The following MARCHF1 variants were observed in gnomAD, a reference collection of about 807,000 sequenced individuals.
MARCHF1 encodes E3 ubiquitin-protein ligase MARCHF1.
MARCHF1 carries 40 observed loss-of-function variants against 54.2 expected under a neutral mutation model. The ratio of observed to expected loss-of-function variants is 0.74; its 90% CI spans 0.57 to 0.96. The LOEUF is 0.96. Ranked by LOEUF, MARCHF1 falls within the 40% of genes least tolerant of loss-of-function variation. MARCHF1 has a pLI of 0.00. For synonymous variants in MARCHF1, 236 were observed against 236.3 expected (o/e 1.00, Z 0.01); for missense variants, 586 against 656.5 (o/e 0.89, Z 1.17).
At chr4:163,644,933 C>T (rs145506865) in intron 5 of MARCHF1, among the ~76,000 whole-genome samples, 208 of 152,260 alleles carry the variant, frequency 1.4e-3, no homozygotes, top group Middle Eastern at 6.8e-3. Flanking sequence ...AAGAGACATA[C>T]CCCAGAGATA....
intron 4 of MARCHF1, among the ~76,000 whole-genome samples, chr4:163,707,477 A>C (rs1744982678): frequency 1.3e-5 from 2 of 152,110 alleles, no homozygotes; most frequent in South Asian, 4.1e-4. Flanking sequence ...CAAAATCACG[A>C]GCAGTCAGAA....
chr4:163,914,979 T>C (rs1751276402), intron 3 of MARCHF1, among the ~76,000 whole-genome samples: 1 of 152,100 alleles, frequency 6.6e-6, no homozygotes, highest in Non-Finnish European at 1.5e-5. Context: ...AAAATAAGGC[T>C]GGAGAAATAG....
rs764029015 is a variant in MARCHF1, at chr4:163,700,851, G to C, written c.124C>G (p.Pro42Ala). ...CTTGATCGACTTGCAGATCGCCCTG[G>C]GGATTTTTCATTCTGAAAAATAAAA... is the stretch of plus-strand genomic sequence containing the variant. ...SQTSTLNEKSPGRSASRSSNI... is the reference protein window; with the variant it reads ...SQTSTLNEKSAGRSASRSSNI... Residue 42 changes from proline to alanine, a missense_variant, in exon 5 of 10, where the codon CCA becomes GCA. By Grantham distance (27) the Pro-to-Ala change is conservative. Around this residue, in one of 3 missense-constraint regions of MARCHF1, gnomAD observed 387 missense variants for 394.6 expected, o/e 0.98. Transcript: ENST00000514618. 1 of 1,535,834 alleles carries C rather than the reference G, an allele frequency of 6.5e-7. No homozygotes were observed. Among genetic ancestry groups the C allele is most frequent in the South Asian group, 1.2e-5 (1 of 84,020 alleles).
At chr4:164,176,554 A>T (rs1016673401) in intron 1 of MARCHF1, among the ~76,000 whole-genome samples, 2 of 152,150 alleles carry the variant, frequency 1.3e-5, no homozygotes, top group Non-Finnish European at 2.9e-5. Flanking sequence ...AGTGACAAAA[A>T]CGATACAGGA....
chr4:163,733,197 A>ATATATATATATACACGTG (rs1745906398), intron 4 of MARCHF1, among the ~76,000 whole-genome samples: 10 of 32,312 alleles, frequency 3.1e-4, no homozygotes, highest in East Asian at 1.2e-3. Context: ...ATATATATAT[A>ATATATATATATACACGTG]TATATATATA....
At chr4:163,707,383 T>C (rs927566368) in intron 4 of MARCHF1, among the ~76,000 whole-genome samples, 2 of 151,858 alleles carry the variant, frequency 1.3e-5, no homozygotes, top group Non-Finnish European at 2.9e-5. Flanking sequence ...AGGAATCAAA[T>C]AGAAAACAAA....
At chr4:164,365,241 G>A (rs1257471208) in intron 1 of MARCHF1, among the ~76,000 whole-genome samples, 14 of 151,944 alleles carry the variant, frequency 9.2e-5, no homozygotes, top group Admixed American at 9.2e-4. Flanking sequence ...CACATAAAAA[G>A]TGAATTCGAG....
At chr4:164,116,586 G>T (rs1755943913) in intron 1 of MARCHF1, among the ~76,000 whole-genome samples, 1 of 151,208 alleles carries the variant, frequency 6.6e-6, no homozygotes, top group Non-Finnish European at 1.5e-5. Context: ...CTAGCCACGT[G>T]TAAATTTAAA....
At chr4:164,214,056 T>C (rs184946163) in intron 1 of MARCHF1, among the ~76,000 whole-genome samples, 5 of 152,222 alleles carry the variant, frequency 3.3e-5, no homozygotes, top group Admixed American at 6.5e-5. Context: ...TGGGTAAATA[T>C]ATACACCTAC....
At chr4:164,330,191 AAAAAC>A (rs1319544721) in intron 1 of MARCHF1, 1 of 150,772 alleles carries the variant, frequency 6.6e-6, no homozygotes, top group Non-Finnish European at 1.5e-5. Flanking sequence ...AAAAAAAAAC[AAAAAC>A]AAAAGAAAAG....
At chr4:163,643,942 C>T (rs981016258) in intron 5 of MARCHF1, among the ~76,000 whole-genome samples, 7 of 152,018 alleles carry the variant, frequency 4.6e-5, no homozygotes, top group African/African-American at 1.7e-4. Context: ...TGTAAGAGTA[C>T]AAATGACAAT....
intron 5 of MARCHF1, among the ~76,000 whole-genome samples, chr4:163,627,996 G>A (rs2110980458): frequency 6.6e-6 from 1 of 151,872 alleles, no homozygotes; most frequent in East Asian, 1.9e-4. Flanking sequence ...GAAAACACAG[G>A]AAAAATCTTT....
chr4:164,231,420 A>G (rs1732410889), intron 1 of MARCHF1, among the ~76,000 whole-genome samples: 1 of 152,134 alleles, frequency 6.6e-6, no homozygotes, highest in Admixed American at 6.6e-5. Flanking sequence ...ATAGGTTATA[A>G]TCTTTTCCCC....
At chr4:164,065,029 A>G (rs546470333) in intron 2 of MARCHF1, among the ~76,000 whole-genome samples, 72 of 152,122 alleles carry the variant, frequency 4.7e-4, no homozygotes, top group Non-Finnish European at 7.5e-4. Context: ...GAGCTTTTTG[A>G]TGTGTTGCTG....
chr4:163,691,034 T>C (rs116305184), intron 5 of MARCHF1, among the ~76,000 whole-genome samples: 54 of 152,250 alleles, frequency 3.5e-4, no homozygotes, highest in Non-Finnish European at 7.2e-4. Flanking sequence ...CCAAGTATTA[T>C]AAGTATATAA....
In MARCHF1 at chr4:163,525,844, C is replaced by G. The variant is rs569574000; in HGVS notation, c.*2904G>C. ...AAAAAGCACTGCCACAAAGCTAAAT[C>G]GTTTTATTGTTTGAAAGGGCAAATG... On this transcript the variant is annotated 3_prime_UTR_variant, in exon 10 of 10. Coordinates refer to ENST00000514618, the MANE Select transcript of MARCHF1 (RefSeq NM_001394959.1). The G allele has an allele frequency of 6.6e-6, 1 of 151,954 alleles. No individual in the cohort carries two copies. Among genetic ancestry groups the G allele is most frequent in the Non-Finnish European group, 1.5e-5 (1 of 67,952 alleles). The allele number at this position is 151,954 out of a possible 1,614,324, so 9.4% of individuals were successfully genotyped here. A position where few individuals can be genotyped will look rare whatever the true frequency, so the allele number is the denominator to read the frequency against.
chr4:163,939,075 T>C (rs1751857755), intron 3 of MARCHF1, among the ~76,000 whole-genome samples: 1 of 152,156 alleles, frequency 6.6e-6, no homozygotes, highest in Admixed American at 6.6e-5. Context: ...TAAATTACAC[T>C]GATCATATTT....
rs11363041 is a variant in MARCHF1 at position 163,572,319 on chromosome 4, C to CTTT, written c.1191+13427_1191+13429dup. On this transcript the variant is annotated intron_variant, in intron 8 of 9. Coordinates refer to ENST00000514618, the MANE Select transcript of MARCHF1 (RefSeq NM_001394959.1). Reference sequence around the variant, plus strand: ...ATTTGAATGTTAGGTCTCTTTCTTCCTTTTTTTTTTTTTTTAAATAAATTG... The same window carrying CTTT: ...ATTTGAATGTTAGGTCTCTTTCTTCCTTTTTTTTTTTTTTTTTTAAATAAATTG... 6.1e-3 allele frequency among the ~76,000 whole-genome samples: 884 copies of CTTT among 144,086 alleles called. 10 individuals are homozygous for CTTT. The highest frequency in any genetic ancestry group is 0.043 in the South Asian group (199 of 4,614). 94.5% of individuals were successfully genotyped at this position (144,086 alleles called of 152,430 possible). A position where few individuals can be genotyped will look rare whatever the true frequency, so the allele number is the denominator to read the frequency against.
At chr4:164,281,704 T>G in intron 1 of MARCHF1, among the ~76,000 whole-genome samples, 1 of 152,070 alleles carries the variant, frequency 6.6e-6, no homozygotes, top group East Asian at 1.9e-4. Context: ...GAATAACACA[T>G]TAAATTCAAA....
Sources: allele counts gnomAD v4.1 joint callset (sites outside exome capture counted in the v4.1 genomes callset), GRCh38; gene constraint gnomAD v4.1.1; regional missense constraint gnomAD v4.1.1; transcripts MANE v1.5; gene names NCBI Gene and HGNC (gene_info 2026-07-23, HGNC 2026-07-21).